Variants in STK31 observed in about 807,000 individuals in gnomAD.
STK31 encodes serine/threonine-protein kinase 31.
Under a neutral mutation model 129.7 loss-of-function variants are expected in STK31, and 89 were observed. The observed-to-expected ratio is 0.69, with a 90% CI of 0.58 to 0.82. The LOEUF is 0.82. STK31 is among the 40% of genes least tolerant of loss of function. STK31 has a pLI of 0.00. For synonymous variants in STK31, 448 were observed against 395.3 expected (o/e 1.13, Z -1.58); for missense variants, 1,187 against 1,176.4 (o/e 1.01, Z -0.13).
chr7:23,757,911 G>C (rs1326622449), intron 10 of STK31, among the ~76,000 whole-genome samples: 1 of 152,188 alleles, frequency 6.6e-6, no homozygotes, highest in Non-Finnish European at 1.5e-5. Context: ...GTGGGTACTT[G>C]AGATTAGGGA....
At chr7:23,777,194 G>A (rs944318614) in intron 15 of STK31, among the ~76,000 whole-genome samples, 1 of 152,108 alleles carries the variant, frequency 6.6e-6, no homozygotes, top group Non-Finnish European at 1.5e-5. Flanking sequence ...AGACTTGTTT[G>A]TTATGATTTC....
intron 22 of STK31, among the ~76,000 whole-genome samples, chr7:23,804,725 C>T (rs1792589280): frequency 6.6e-6 from 1 of 152,162 alleles, no homozygotes. Flanking sequence ...TCAGTCACTT[C>T]CCCAAACCAG....
chr7:23,819,801 A>G (rs1218313071), intron 23 of STK31, among the ~76,000 whole-genome samples: 1 of 152,236 alleles, frequency 6.6e-6, no homozygotes, highest in Non-Finnish European at 1.5e-5. Context: ...TAGCAACATT[A>G]CAGGATCATT....
At chr7:23,710,711 A>G (rs1785901608) in intron 1 of STK31, 1 of 1,089,742 alleles carries the variant, frequency 9.2e-7, no homozygotes, top group South Asian at 2.9e-5. Context: ...ATTTGGACGT[A>G]CTATTTTGTG....
intron 3 of STK31, 83 bp from the exon 4 acceptor site, chr7:23,717,396 AAG>A: frequency 1.2e-5 from 6 of 516,786 alleles, no homozygotes; most frequent in Non-Finnish European, 1.7e-5. Flanking sequence ...AAAATCTTTT[AAG>A]TTTATCATGC....
intron 8 of STK31, among the ~76,000 whole-genome samples, chr7:23,743,113 C>T (rs1392021407): frequency 6.6e-6 from 1 of 152,022 alleles, no homozygotes; most frequent in Non-Finnish European, 1.5e-5. Flanking sequence ...CCACCATGCC[C>T]AGTTAATTTT....
chr7:23,782,566 A>G (rs1256141272), intron 16 of STK31, among the ~76,000 whole-genome samples: 1 of 152,048 alleles, frequency 6.6e-6, no homozygotes, highest in Non-Finnish European at 1.5e-5. Flanking sequence ...TAGCAAATTC[A>G]TCTGCGTATA....
intron 15 of STK31, among the ~76,000 whole-genome samples, chr7:23,776,314 G>T (rs1289128323): frequency 1.3e-5 from 2 of 151,988 alleles, no homozygotes; most frequent in African/African-American, 4.8e-5. Context: ...GTCTCTGCCA[G>T]GTTTTTGTAC....
chr7:23,791,688 CT>C (rs1291013942), intron 22 of STK31, among the ~76,000 whole-genome samples: 6 of 152,190 alleles, frequency 3.9e-5, no homozygotes, highest in Non-Finnish European at 8.8e-5. Flanking sequence ...GAGAATGCCT[CT>C]TTTTCCAAAG....
intron 15 of STK31, 102 bp from the exon 16 acceptor site, chr7:23,781,317 A>T: frequency 1.3e-6 from 1 of 785,726 alleles, no homozygotes; most frequent in Non-Finnish European, 2.1e-6. Context: ...ACTGAAGGAT[A>T]CATAGAAACC....
chr7:23,756,639 A>G (rs1295501479), intron 10 of STK31, among the ~76,000 whole-genome samples: 3 of 152,110 alleles, frequency 2.0e-5, no homozygotes, highest in Non-Finnish European at 4.4e-5. Context: ...GTCATAAATA[A>G]CTGTTACTAT....
At chr7:23,796,664 C>G (rs1791977817) in intron 22 of STK31, among the ~76,000 whole-genome samples, 1 of 152,122 alleles carries the variant, frequency 6.6e-6, no homozygotes, top group African/African-American at 2.4e-5. Context: ...TGTGCCATCC[C>G]TTTGTAGTCA....
intron 21 of STK31, among the ~76,000 whole-genome samples, chr7:23,788,507 T>G (rs1291124894): frequency 6.6e-6 from 1 of 152,152 alleles, no homozygotes; most frequent in Non-Finnish European, 1.5e-5. Flanking sequence ...ACTTTGCTGT[T>G]TTTTGATTAA....
intron 15 of STK31, among the ~76,000 whole-genome samples, 177 bp downstream of exon 15, chr7:23,772,455 A>C (rs1034459597): frequency 2.0e-5 from 3 of 152,174 alleles, no homozygotes; most frequent in African/African-American, 7.2e-5. Flanking sequence ...AGATTACAGT[A>C]ATAGTGTAAA....
chr7:23,760,248 C>T (rs1789379603), intron 10 of STK31, among the ~76,000 whole-genome samples: 1 of 152,086 alleles, frequency 6.6e-6, no homozygotes, highest in Non-Finnish European at 1.5e-5. Flanking sequence ...TGGACTTGTT[C>T]CATCTTAAAT....
chr7:23,803,056 A>G (rs750114023), intron 22 of STK31, among the ~76,000 whole-genome samples: 2 of 152,182 alleles, frequency 1.3e-5, no homozygotes, highest in Non-Finnish European at 2.9e-5. Flanking sequence ...TAAGAATTTC[A>G]TGTTTGGAAG....
intron 15 of STK31, among the ~76,000 whole-genome samples, chr7:23,774,557 T>A (rs992352735): frequency 6.6e-6 from 1 of 152,220 alleles, no homozygotes; most frequent in African/African-American, 2.4e-5. Flanking sequence ...TTTTCATGTG[T>A]CTGTTGGCTG....
intron 23 of STK31, among the ~76,000 whole-genome samples, chr7:23,829,231 C>T (rs1348165349): frequency 6.6e-6 from 1 of 152,038 alleles, no homozygotes; most frequent in Non-Finnish European, 1.5e-5. Context: ...TTTTCTTTTC[C>T]CCATTTAGTA....
chr7:23,820,403 G>T (rs1052814826), intron 23 of STK31, among the ~76,000 whole-genome samples: 1 of 152,136 alleles, frequency 6.6e-6, no homozygotes, highest in African/African-American at 2.4e-5. Flanking sequence ...ATTTCATATT[G>T]ATACATAATA....
Sources: allele counts gnomAD v4.1 joint callset (sites outside exome capture counted in the v4.1 genomes callset), GRCh38; gene constraint gnomAD v4.1.1; transcripts MANE v1.5; gene names NCBI Gene and HGNC (gene_info 2026-07-23, HGNC 2026-07-21).